The following FANCI variants were observed in gnomAD, a reference collection of about 807,000 sequenced individuals.
FANCI encodes the protein Fanconi anemia group I protein.
FANCI carries 156 observed loss-of-function variants against 176.1 expected under a neutral mutation model. The ratio of observed to expected loss-of-function variants is 0.89; its 90% confidence interval spans 0.78 to 1.01. The LOEUF is 1.01. Ranked by LOEUF, FANCI falls within the 50% of genes least tolerant of loss-of-function variation. The pLI is 0.00. For synonymous variants in FANCI, 613 were observed against 541.7 expected, an observed-to-expected ratio of 1.13 and a Z score of -1.83; for missense variants, 1,678 against 1,534.1, an observed-to-expected ratio of 1.09 and a Z score of -1.57.
At chr15:89,279,531 C>G (rs2053535647) in intron 14 of FANCI, among the ~76,000 whole-genome samples, 1 of 152,146 alleles carries the variant, frequency 6.6e-6, no homozygotes, top group Non-Finnish European at 1.5e-5. Flanking sequence ...TTAAAAATTT[C>G]TCCGTGTCAT....
chr15:89,305,291 A>G (rs2054674051), intron 29 of FANCI, 49 bp downstream of exon 29: 1 of 1,614,096 alleles, frequency 6.2e-7, no homozygotes, highest in Admixed American at 1.7e-5. Flanking sequence ...GATGGGGGTC[A>G]AGGGAACAAC....
intron 18 of FANCI, 113 bp from the exon 19 acceptor site, chr15:89,290,100 C>T: frequency 1.2e-6 from 1 of 869,278 alleles, no homozygotes. Context: ...AATATGGTCT[C>T]AATAGGAAAA....
At position 89,316,749 on chromosome 15, in the gene FANCI, T is replaced by C. The variant is rs752239394; in HGVS notation, c.*290T>C. 3.1e-6 allele frequency: 5 copies of C among 1,609,446 alleles called. No individual in the cohort carries two copies. In the South Asian group the frequency reaches 5.5e-5, roughly 18 times the overall value. On this transcript the variant is annotated 3_prime_UTR_variant, in exon 38 of 38. Transcript: ENST00000310775. ...GAGCAAATACAGAGCCTCCAGGCAGTGCTATGGTCCAGGCTGGCTTCGTTT... is the reference window on the plus strand; with the variant it reads ...GAGCAAATACAGAGCCTCCAGGCAGCGCTATGGTCCAGGCTGGCTTCGTTT...
At chr15:89,311,536 C>A (rs1298834088) in intron 34 of FANCI, among the ~76,000 whole-genome samples, 1 of 152,182 alleles carries the variant, frequency 6.6e-6, no homozygotes, top group African/African-American at 2.4e-5. Flanking sequence ...TTGGACACAA[C>A]CTCTGGGAAG....
At chr15:89,268,166 C>A (rs922704721) in intron 9 of FANCI, among the ~76,000 whole-genome samples, 2 of 152,192 alleles carry the variant, frequency 1.3e-5, no homozygotes, top group African/African-American at 4.8e-5. Context: ...ACAATCTTGG[C>A]TCACGGCAAC....
chr15:89,249,699 A>G (rs1012814709), intron 2 of FANCI, among the ~76,000 whole-genome samples: 3 of 152,182 alleles, frequency 2.0e-5, no homozygotes, highest in Non-Finnish European at 4.4e-5. Context: ...CTCACAAAAT[A>G]AGGGATGGAT....
At chr15:89,298,483 G>A (rs143870310) in intron 24 of FANCI, among the ~76,000 whole-genome samples, 2,463 of 152,242 alleles carry the variant, frequency 0.016, 51 homozygotes, top group African/African-American at 0.047. Flanking sequence ...CAGCCAAAGT[G>A]CTATTGAGGA....
chr15:89,268,651 CTT>C (rs550024879), intron 10 of FANCI, 126 bp downstream of exon 10: 11,376 of 904,356 alleles, frequency 0.013, no homozygotes, highest in East Asian at 0.014. Flanking sequence ...TGGAGGATCT[CTT>C]TTTTTTTTTT....
chr15:89,252,514 C>T (rs569406982), intron 2 of FANCI, among the ~76,000 whole-genome samples: 2 of 152,008 alleles, frequency 1.3e-5, no homozygotes, highest in African/African-American at 2.4e-5. Flanking sequence ...CCAAGGCAGG[C>T]GGATCACCTG....
At position 89,281,294 on chromosome 15, in the gene FANCI, A is replaced by G; in HGVS notation, c.1506A>G (p.Ala502=). The G allele has an allele frequency of 6.2e-7, 1 of 1,613,742 alleles. No homozygotes were observed. The highest frequency in any genetic ancestry group is 8.5e-7 in the Non-Finnish European group (1 of 1,179,750). Residue 502 remains alanine, a synonymous_variant, in exon 15 of 38, where the codon GCA becomes GCG. Transcript: ENST00000310775. The part of the protein sequence containing the change: ...PLQTVQRLLK[A]VQPLLKVSMS... The stretch of plus-strand genomic sequence containing the variant: ...AGACTGTACAAAGGCTGCTTAAGGC[A>G]GTGCAGGTAAGTCTTCAGATTCCCA...
At chr15:89,276,919 C>T in intron 13 of FANCI, 28 bp downstream of exon 13, 2 of 1,613,146 alleles carry the variant, frequency 1.2e-6, no homozygotes, top group Non-Finnish European at 1.7e-6. Context: ...CAACCACTCC[C>T]TAATTTTGTT....
intron 19 of FANCI, among the ~76,000 whole-genome samples, chr15:89,291,004 C>T (rs1050123703): frequency 6.6e-6 from 1 of 152,144 alleles, no homozygotes; most frequent in Non-Finnish European, 1.5e-5. Flanking sequence ...CATCTACATT[C>T]ACACGTTTAA....
intron 3 of FANCI, 148 bp from the exon 4 acceptor site, chr15:89,260,565 C>A: frequency 1.0e-6 from 1 of 986,082 alleles, no homozygotes; most frequent in Non-Finnish European, 1.5e-6. Context: ...TTTTTCAAAG[C>A]CCTTAACCAT....
At chr15:89,272,991 G>C (rs113082340) in intron 10 of FANCI, among the ~76,000 whole-genome samples, 4,661 of 152,090 alleles carry the variant, frequency 0.031, 252 homozygotes, top group African/African-American at 0.1. Context: ...TAAATAGGCT[G>C]TTATACTTTT....
chr15:89,308,155 T>G, intron 34 of FANCI: 1 of 1,056,490 alleles, frequency 9.5e-7, no homozygotes, highest in Non-Finnish European at 1.1e-6. Context: ...CCTTTACTGT[T>G]TGCTTAAACC....
chr15:89,293,881 A>T lies in FANCI; in HGVS notation c.2340A>T (p.Lys780Asn). ...TGAGCTTATTTATGTGTTACAAAAA[A>T]CTCTCTGACATTCTTAATGAAAAAG... The part of the protein sequence containing the change: ...DILSLFMCYK[K>N]LSDILNEKAG... Residue 780 changes from lysine (K) to asparagine (N), a missense_variant, in exon 23 of 38, where the codon AAA (lysine) becomes AAT (asparagine). Physicochemically the swap from Lys to Asn is moderately conservative, Grantham distance 94. Coordinates refer to ENST00000310775, the MANE Select transcript of FANCI (RefSeq NM_001113378.2). 1 of 1,614,002 alleles carries T rather than the reference A, an allele frequency of 6.2e-7. No individual in the cohort carries two copies. Among genetic ancestry groups the T allele is most frequent in the Non-Finnish European group, 8.5e-7 (1 of 1,179,994 alleles).
chr15:89,277,370 C>T (rs2053446884), intron 13 of FANCI, among the ~76,000 whole-genome samples: 1 of 152,082 alleles, frequency 6.6e-6, no homozygotes. Context: ...AATCCCAACA[C>T]TTTGGGAGGC....
In FANCI at chr15:89,306,094, A is replaced by G. The variant is rs1226763042; in HGVS notation, c.3437A>G (p.His1146Arg). Residue 1146 changes from histidine (H) to arginine (R), a missense_variant, in exon 32 of 38, where the codon CAC becomes CGC. Physicochemically the swap from His to Arg is conservative, Grantham distance 29 (BLOSUM62 0). Transcript: ENST00000310775. ...MQLGTLLTFF[H>R]ELVQTALPSG... ...CTGGGAACTCTGCTTACATTTTTCC[A>G]CGAGCTGGTGCAGACAGCTCTGCCA... The G allele has an allele frequency of 1.2e-6, 2 of 1,614,172 alleles. No individual in the cohort carries two copies. Among genetic ancestry groups the G allele is most frequent in the East Asian group, 2.2e-5 (1 of 44,878 alleles).
At chr15:89,269,034 T>C (rs2053093993) in intron 10 of FANCI, among the ~76,000 whole-genome samples, 1 of 152,218 alleles carries the variant, frequency 6.6e-6, no homozygotes, top group Admixed American at 6.5e-5. Context: ...TTAAAAGTAG[T>C]GTACAGATAT....
Sources: gnomAD v4.1 joint callset for allele counts (sites outside exome capture counted in the v4.1 genomes callset) on GRCh38, gnomAD v4.1.1 for gene constraint, MANE v1.5 for transcripts, NCBI Gene and HGNC (gene_info 2026-07-23, HGNC 2026-07-21) for gene names.